MATCAP2: variants seen among roughly 807,000 people sequenced by gnomAD.
MATCAP2 encodes the protein microtubule associated tyrosine carboxypeptidase 2, also known as putative tyrosine carboxypeptidase MATCAP2.
At chr7:36,328,259 A>C in the MATCAP2 span, among the ~76,000 whole-genome samples, 3 of 121,042 alleles carry the variant, frequency 2.5e-5, no homozygotes, top group Admixed American at 8.9e-5. Flanking sequence ...GGGTCTTGCT[A>C]TGTTGCCCAG....
chr7:36,352,235 A>C, the MATCAP2 span, among the ~76,000 whole-genome samples: 2 of 151,300 alleles, frequency 1.3e-5, no homozygotes, highest in African/African-American at 2.4e-5. Context: ...GTCTCTACTA[A>C]AAATACAAAA....
chr7:36,379,369 A>G, the MATCAP2 span, among the ~76,000 whole-genome samples: 6 of 152,304 alleles, frequency 3.9e-5, no homozygotes, highest in Admixed American at 1.3e-4. Flanking sequence ...CAGAGGAATA[A>G]GAACCCACAA....
the MATCAP2 span, among the ~76,000 whole-genome samples, chr7:36,359,130 A>T: frequency 6.6e-6 from 1 of 152,240 alleles, no homozygotes. Flanking sequence ...AATATGAGAT[A>T]ACTGCAGACC....
chr7:36,356,634 T>C, the MATCAP2 span: 1 of 559,126 alleles, frequency 1.8e-6, no homozygotes, highest in South Asian at 2.5e-5. Context: ...CATGAAAGCT[T>C]AGAACCAGAA....
the MATCAP2 span, among the ~76,000 whole-genome samples, chr7:36,334,467 C>T: frequency 4.6e-5 from 6 of 129,164 alleles, no homozygotes; most frequent in Non-Finnish European, 9.2e-5. Context: ...GCCTGGGAGG[C>T]AGAGGTTGCA....
the MATCAP2 span, among the ~76,000 whole-genome samples, chr7:36,331,453 G>C: frequency 6.6e-6 from 1 of 152,172 alleles, no homozygotes; most frequent in Non-Finnish European, 1.5e-5. Flanking sequence ...AGGCATCTGA[G>C]TGGGGAGGCC....
At chr7:36,324,883 C>G in the MATCAP2 span, 1 of 152,204 alleles carries the variant, frequency 6.6e-6, no homozygotes, top group Non-Finnish European at 1.5e-5. Flanking sequence ...AGAACTGCTG[C>G]AAATGATCCG....
the MATCAP2 span, chr7:36,326,765 T>C: frequency 2.5e-6 from 4 of 1,612,658 alleles, no homozygotes; most frequent in African/African-American, 1.3e-5. Context: ...AATTACTATA[T>C]AAGATCTTTC....
At chr7:36,383,745 T>G in the MATCAP2 span, 1 of 619,774 alleles carries the variant, frequency 1.6e-6, no homozygotes, top group Non-Finnish European at 2.8e-6. Flanking sequence ...CAAACCACCA[T>G]GGCACGTGTA....
At chr7:36,342,601 G>A in the MATCAP2 span, among the ~76,000 whole-genome samples, 1 of 152,074 alleles carries the variant, frequency 6.6e-6, no homozygotes, top group Non-Finnish European at 1.5e-5. Context: ...CCTGGATCTG[G>A]TGCTTCTTAA....
the MATCAP2 span, among the ~76,000 whole-genome samples, chr7:36,337,143 A>G: frequency 4.8e-5 from 7 of 147,212 alleles, no homozygotes; most frequent in African/African-American, 1.7e-4. Context: ...GTCTTCTGCA[A>G]CAATCTATCT....
chr7:36,356,925 C>G, the MATCAP2 span: 1 of 1,614,124 alleles, frequency 6.2e-7, no homozygotes. Flanking sequence ...CGGTCAGATG[C>G]GTGGCTATGC....
the MATCAP2 span, among the ~76,000 whole-genome samples, chr7:36,380,492 G>T: frequency 1.2e-4 from 18 of 152,188 alleles, no homozygotes; most frequent in Non-Finnish European, 2.4e-4. Context: ...AACAGTTAGA[G>T]ATTAGCAAGT....
the MATCAP2 span, among the ~76,000 whole-genome samples, chr7:36,334,531 A>G: frequency 1.3e-5 from 1 of 75,178 alleles, no homozygotes; most frequent in African/African-American, 4.6e-5. Flanking sequence ...CCGAGATCCC[A>G]TCTCAAAAAA....
chr7:36,335,845 C>T, the MATCAP2 span, among the ~76,000 whole-genome samples: 33 of 152,100 alleles, frequency 2.2e-4, no homozygotes, highest in African/African-American at 7.2e-4. Flanking sequence ...CCAAGGCAGG[C>T]GGATGACCTG....
chr7:36,357,521 A>G, the MATCAP2 span: 2 of 1,614,146 alleles, frequency 1.2e-6, no homozygotes, highest in Middle Eastern at 1.7e-4. Flanking sequence ...TTTGTTGTCA[A>G]TGATCAATGA....
chr7:36,332,057 A>G, the MATCAP2 span, among the ~76,000 whole-genome samples: 1 of 152,180 alleles, frequency 6.6e-6, no homozygotes, highest in Non-Finnish European at 1.5e-5. Context: ...CAGGTAATAT[A>G]TTACTGGAGT....
chr7:36,356,686 G>C, the MATCAP2 span: 1 of 589,974 alleles, frequency 1.7e-6, no homozygotes, highest in Non-Finnish European at 3.0e-6. Context: ...CTGTCACAAA[G>C]AGCCTATATA....
the MATCAP2 span, among the ~76,000 whole-genome samples, chr7:36,337,118 A>AAAAAAAAAAAAAAAAAAAAC: frequency 6.8e-6 from 1 of 147,006 alleles, no homozygotes; most frequent in African/African-American, 2.5e-5. Context: ...AAAAAAAAAA[A>AAAAAAAAAAAAAAAAAAAAC]AAAAAAAGCA....
Sources: gnomAD v4.1 joint callset for allele counts (sites outside exome capture counted in the v4.1 genomes callset) on GRCh38, gnomAD v4.1.1 for gene constraint, MANE v1.5 for transcripts, NCBI Gene and HGNC (gene_info 2026-07-23, HGNC 2026-07-21) for gene names.